Variants in GPC6 observed in about 807,000 individuals in gnomAD.
The protein encoded by GPC6 is glypican 6, also known as glypican-6.
GPC6 carries 14 observed loss-of-function variants against 55.2 expected under a neutral mutation model. That is an observed-to-expected ratio of 0.25 (90% CI 0.17 to 0.40). The LOEUF (loss-of-function observed/expected upper bound fraction) is 0.40. Ranked by LOEUF, GPC6 falls within the 10% of genes least tolerant of loss-of-function variation. The pLI is 1.00. For missense variants in GPC6, 641 were observed against 708.5 expected (o/e 0.90, Z 1.08); for synonymous variants, 278 against 259.6 (o/e 1.07, Z -0.68).
At chr13:94,349,931 A>G (rs1438340582) in intron 6 of GPC6, among the ~76,000 whole-genome samples, 1 of 152,182 alleles carries the variant, frequency 6.6e-6, no homozygotes. Flanking sequence ...CCCGAAATCC[A>G]AGGGAAGATG....
At chr13:94,000,696 A>G (rs1039648717) in intron 3 of GPC6, among the ~76,000 whole-genome samples, 4 of 152,202 alleles carry the variant, frequency 2.6e-5, no homozygotes, top group Non-Finnish European at 5.9e-5. Context: ...ACATGAATTC[A>G]GTTATTATAA....
At chr13:93,812,097 G>A (rs931923913) in intron 2 of GPC6, among the ~76,000 whole-genome samples, 3 of 145,368 alleles carry the variant, frequency 2.1e-5, no homozygotes, top group South Asian at 2.2e-4. Flanking sequence ...GGCTGGGTAC[G>A]TTGGCTCACG....
chr13:93,452,500 A>C (rs7998856), intron 1 of GPC6, among the ~76,000 whole-genome samples: 32,781 of 152,074 alleles, frequency 0.22, 3,659 homozygotes, highest in Middle Eastern at 0.29. Flanking sequence ...AATTACTATC[A>C]TATTTACATG....
rs541645392 is a variant in GPC6, at chr13:93,831,819, G to A, written c.711+1274G>A. Among the ~76,000 whole-genome samples the A allele has an allele frequency of 1.2e-4, 18 of 151,332 alleles. No individual in the cohort carries two copies. In the South Asian group the frequency reaches 1.3e-3, roughly 11 times the overall value. On this transcript the variant is annotated intron_variant, in intron 3 of 8. Coordinates refer to ENST00000377047, the MANE Select transcript of GPC6 (RefSeq NM_005708.5). ...TTAAAATAATATCTTTGCCGGGCGC[G>A]GTGGCTCACATCTGTAATCCCAGCA... is the stretch of plus-strand genomic sequence containing the variant.
chr13:93,779,645 A>G (rs1885576356), intron 2 of GPC6, among the ~76,000 whole-genome samples: 1 of 152,202 alleles, frequency 6.6e-6, no homozygotes. Context: ...TAAATGGCTT[A>G]TGTTAGCGTC....
At chr13:93,995,372 G>C (rs1881497273) in intron 3 of GPC6, among the ~76,000 whole-genome samples, 1 of 151,712 alleles carries the variant, frequency 6.6e-6, no homozygotes. Flanking sequence ...ATTTTTAGTA[G>C]ATACAGCATT....
intron 2 of GPC6, among the ~76,000 whole-genome samples, chr13:93,782,746 A>G (rs1326924275): frequency 1.3e-5 from 2 of 152,128 alleles, no homozygotes; most frequent in Non-Finnish European, 2.9e-5. Flanking sequence ...ATATTTGTTT[A>G]GGTCCTTAGT....
At chr13:93,548,275 T>G (rs1263409757) in intron 2 of GPC6, among the ~76,000 whole-genome samples, 1 of 152,212 alleles carries the variant, frequency 6.6e-6, no homozygotes, top group Non-Finnish European at 1.5e-5. Context: ...TGTGTATGTC[T>G]TTGTTGGCTA....
In GPC6 at chr13:94,404,441, C is replaced by T. The variant is rs1037433018; in HGVS notation, c.*1224C>T. The T allele has an allele frequency of 6.6e-6, 1 of 152,168 alleles. No homozygotes were observed. Among genetic ancestry groups the T allele is most frequent in the East Asian group, 1.9e-4 (1 of 5,194 alleles). The allele number at this position is 152,168 out of a possible 1,614,324, so 9.4% of individuals were successfully genotyped here. A position where few individuals can be genotyped will look rare whatever the true frequency, so the allele number is the denominator to read the frequency against. ...TAATTCCAAGCTCAGGGTTGACACACCTTTGTAAGAAAATGTTTTGTCAAC... is the reference window on the plus strand; with the variant it reads ...TAATTCCAAGCTCAGGGTTGACACATCTTTGTAAGAAAATGTTTTGTCAAC... On this transcript the variant is annotated 3_prime_UTR_variant, in exon 9 of 9. Transcript: ENST00000377047.
At chr13:93,673,319 T>C (rs1392453762) in intron 2 of GPC6, among the ~76,000 whole-genome samples, 2 of 152,188 alleles carry the variant, frequency 1.3e-5, no homozygotes, top group Non-Finnish European at 2.9e-5. Context: ...TTCATGAATG[T>C]ATCTTTTAAT....
At chr13:94,263,658 G>A (rs1891713869) in intron 4 of GPC6, among the ~76,000 whole-genome samples, 1 of 152,198 alleles carries the variant, frequency 6.6e-6, no homozygotes, top group Admixed American at 6.5e-5. Context: ...CTTTGGGAGT[G>A]CAGAAACATT....
At chr13:93,386,719 A>T (rs1024005837) in intron 1 of GPC6, among the ~76,000 whole-genome samples, 12 of 152,194 alleles carry the variant, frequency 7.9e-5, no homozygotes, top group African/African-American at 2.9e-4. Flanking sequence ...TGGTGTCTTA[A>T]GACATCAGGA....
rs181376644 is a variant in GPC6 at position 94,333,317 on chromosome 13, G to T, written c.1152+27194G>T. On this transcript the variant is annotated intron_variant, in intron 6 of 8. Coordinates refer to ENST00000377047, the MANE Select transcript of GPC6 (RefSeq NM_005708.5). ...GCCATAAATCTCACTAATGGCCAGT[G>T]CTGTACGGCATCTTATGGTCAGCAT... Among the ~76,000 whole-genome samples, 10 of 152,302 alleles carry T rather than the reference G, an allele frequency of 6.6e-5. No homozygotes were observed. In the East Asian group the frequency reaches 1.9e-3, roughly 29 times the overall value.
chr13:93,833,107 TAGAGAGAGAGAG>T (rs367949345), intron 3 of GPC6, among the ~76,000 whole-genome samples: 6,378 of 109,044 alleles, frequency 0.058, 437 homozygotes, highest in African/African-American at 0.15. Context: ...AGGTAGATGA[TAGAGAGAGAGAG>T]AGAGAGAGAG....
At chr13:93,444,164 A>G (rs1475409072) in intron 1 of GPC6, among the ~76,000 whole-genome samples, 3 of 148,264 alleles carry the variant, frequency 2.0e-5, no homozygotes, top group African/African-American at 7.5e-5. Context: ...ACAGCAAAAA[A>G]TTTCCAGTAA....
At chr13:93,866,715 T>G (rs1043310574) in intron 3 of GPC6, among the ~76,000 whole-genome samples, 1 of 151,534 alleles carries the variant, frequency 6.6e-6, no homozygotes, top group Non-Finnish European at 1.5e-5. Context: ...ATGGGGACTT[T>G]TGGAGTGTGA....
At chr13:93,525,531 A>G (rs1392629212) in intron 1 of GPC6, among the ~76,000 whole-genome samples, 1 of 152,104 alleles carries the variant, frequency 6.6e-6, no homozygotes, top group Non-Finnish European at 1.5e-5. Context: ...ATTTCTGGGA[A>G]TTTCTCCTGG....
chr13:93,267,683 A>G (rs1024212460), intron 1 of GPC6, among the ~76,000 whole-genome samples: 38 of 152,300 alleles, frequency 2.5e-4, no homozygotes, highest in African/African-American at 8.7e-4. Flanking sequence ...GATATTTTAT[A>G]TGGTCTTTGG....
chr13:93,564,093 G>C (rs1875963215), intron 2 of GPC6, among the ~76,000 whole-genome samples: 1 of 151,882 alleles, frequency 6.6e-6, no homozygotes, highest in South Asian at 2.1e-4. Context: ...AATTTTATTA[G>C]ATATTTTATA....
Sources: allele counts gnomAD v4.1 joint callset (sites outside exome capture counted in the v4.1 genomes callset), GRCh38; gene constraint gnomAD v4.1.1; transcripts MANE v1.5; gene names NCBI Gene and HGNC (gene_info 2026-07-23, HGNC 2026-07-21).